Variants in LDLRAP1 observed in about 807,000 individuals in gnomAD.
LDLRAP1 encodes the protein low density lipoprotein receptor adaptor protein 1.
In LDLRAP1, 30 loss-of-function variants were observed where a neutral mutation model predicts 37.8. The observed-to-expected ratio is 0.79, with a 90% confidence interval of 0.59 to 1.08. The LOEUF (loss-of-function observed/expected upper bound fraction) is 1.08, where lower values mean the gene tolerates loss of function less well. LDLRAP1 is among the 50% of genes least tolerant of loss of function. The probability of loss-of-function intolerance (pLI) is 0.00; values close to 1 mark genes in which losing one functional copy is unlikely to be tolerated. For missense variants in LDLRAP1, 375 were observed against 401.6 expected (o/e 0.93, Z 0.57); for synonymous variants, 156 against 169.8 (o/e 0.92, Z 0.63).
chr1:25,562,700 G>T lies in LDLRAP1; in HGVS notation c.516G>T (p.Trp172Cys). 3.1e-6 allele frequency: 5 copies of T among 1,614,148 alleles called. No homozygotes were observed. Among genetic ancestry groups the T allele is most frequent in the Non-Finnish European group, 4.2e-6 (5 of 1,179,978 alleles). Residue 172 changes from tryptophan (W) to cysteine (C), a missense_variant, in exon 5 of 9, where the codon TGG becomes TGT. Coordinates refer to ENST00000374338, the MANE Select transcript of LDLRAP1 (RefSeq NM_015627.3). ...AQAFKVAFEFWQVSKEEKEKR... is the reference protein window; with the variant it reads ...AQAFKVAFEFCQVSKEEKEKR... ...CCTTCAAAGTCGCCTTTGAGTTTTG[G>T]CAGGTGTCCAAGGAAGGTGAGACTT...
rs767274425 is a variant in LDLRAP1 at position 25,562,636 on chromosome 1, G to A, written c.460-8G>A. ...GCACCCCTCCCCATCCCCACTTCCT[G>A]TTTTCAGGCACAGGCTGTTACCCTC... On this transcript the variant is annotated splice_polypyrimidine_tract_variant and splice_region_variant and intron_variant, in intron 4 of 8. Coordinates refer to ENST00000374338, the MANE Select transcript of LDLRAP1 (RefSeq NM_015627.3). 6.2e-7 allele frequency: 1 copy of A among 1,614,032 alleles called. No homozygotes were observed. The highest frequency in any genetic ancestry group is 1.1e-5 in the South Asian group (1 of 91,088).
chr1:25,554,090 G>A lies in LDLRAP1; in HGVS notation c.231+26G>A, dbSNP rs1409681130. 2 of 1,612,358 alleles carry A rather than the reference G, an allele frequency of 1.2e-6. No homozygotes were observed. Among genetic ancestry groups the A allele is most frequent in the Admixed American group, 1.7e-5 (1 of 60,022 alleles). On this transcript the variant is annotated intron_variant, in intron 2 of 8. Transcript: ENST00000374338. The surrounding 1 kb of genome is among the most constrained non-coding windows in gnomAD (Gnocchi z 5.4). ...GTGAGCACCCCAGTCAGGAAGGGTG[G>A]GGGAACCAGGGACCAAGGACCAGCT...
Position 25,565,204 on chromosome 1 carries a change from C to T in LDLRAP1, c.779C>T (p.Ser260Leu), listed in dbSNP as rs781711827. Residue 260 changes from serine to leucine, a missense_variant, in exon 8 of 9, where the codon TCG (serine) becomes TTG (leucine). Physicochemically the swap from Ser to Leu is moderately radical, Grantham distance 145. Transcript: ENST00000374338. ...ELDDGLDEAF[S>L]RLAQSRTNPQ... ...GATGATGGCCTGGATGAAGCGTTTT[C>T]GAGGTAATGCTAGCTTCCTGTGCTG... is the stretch of plus-strand genomic sequence containing the variant. 5 of 1,614,058 alleles carry T rather than the reference C, an allele frequency of 3.1e-6. No individual in the cohort carries two copies. Among genetic ancestry groups the T allele is most frequent in the East Asian group, 2.2e-5 (1 of 44,890 alleles).
Position 25,544,485 on chromosome 1 carries a change from T to C in LDLRAP1, c.88+699T>C, listed in dbSNP as rs543414914. On this transcript the variant is annotated intron_variant, in intron 1 of 8. Transcript: ENST00000374338. The surrounding 1 kb of genome is among the most constrained non-coding windows in gnomAD (Gnocchi z 4.8). ...TCCCGACTATTTTTGAAACCTGTTT[T>C]CTCTCGCACCTTTCCCCTCGGGCTT... 1.4e-3 allele frequency among the ~76,000 whole-genome samples: 215 copies of C among 152,244 alleles called. No homozygotes were observed. The highest frequency in any genetic ancestry group is 2.5e-3 in the South Asian group (12 of 4,820).
chr1:25,575,186 C>A, the LDLRAP1 span, among the ~76,000 whole-genome samples: 1 of 152,154 alleles, frequency 6.6e-6, no homozygotes, highest in African/African-American at 2.4e-5. Context: ...GCCTTGCCAG[C>A]CCCAAGGAAG....
At chr1:25,578,613 C>T in the LDLRAP1 span, among the ~76,000 whole-genome samples, 1 of 152,152 alleles carries the variant, frequency 6.6e-6, no homozygotes, top group Non-Finnish European at 1.5e-5. Flanking sequence ...CTCCCCGGCC[C>T]AAGCGACCCT....
rs1462101875 is a variant in LDLRAP1, at chr1:25,555,560, C to T, written c.344+588C>T. On this transcript the variant is annotated intron_variant, in intron 3 of 8. Coordinates refer to ENST00000374338, the MANE Select transcript of LDLRAP1 (RefSeq NM_015627.3). The surrounding 1 kb of genome is among the most constrained non-coding windows in gnomAD (Gnocchi z 4.7). ...AGCTGAGGCCCAGAGAGGGAATTGCCTAAGGCTGCACAGTGAGGTAGTAGC... is the reference window on the plus strand; with the variant it reads ...AGCTGAGGCCCAGAGAGGGAATTGCTTAAGGCTGCACAGTGAGGTAGTAGC... Among the ~76,000 whole-genome samples, 1 of 152,204 alleles carries T rather than the reference C, an allele frequency of 6.6e-6. No individual in the cohort carries two copies. The highest frequency in any genetic ancestry group is 1.5e-5 in the Non-Finnish European group (1 of 68,038).
chr1:25,543,836 G>GCGGGGCCTCCGCGGGCGCC (rs1301136549), intron 1 of LDLRAP1, 50 bp downstream of exon 1: 1 of 1,147,274 alleles, frequency 8.7e-7, no homozygotes, highest in African/African-American at 1.6e-5. Flanking sequence ...GCAGAGGCGC[G>GCGGGGCCTCCGCGGGCGCC]CGGGGCCTCC....
In LDLRAP1 at chr1:25,565,047, C is replaced by T; in HGVS notation, c.748-126C>T. 5 of 1,035,788 alleles carry T rather than the reference C, an allele frequency of 4.8e-6. No homozygotes were observed. In the South Asian group the frequency reaches 6.3e-5, roughly 13 times the overall value. The allele number at this position is 1,035,788 out of a possible 1,614,324, so 64.2% of individuals were successfully genotyped here. On this transcript the variant is annotated intron_variant, in intron 7 of 8. Transcript: ENST00000374338. ...GCAGGAGGCCTGCCTGAGGCCGTGCCTCCAGGCGCCCACCCTGAGCTTGTG... is the reference window on the plus strand; with the variant it reads ...GCAGGAGGCCTGCCTGAGGCCGTGCTTCCAGGCGCCCACCCTGAGCTTGTG...
At position 25,557,177 on chromosome 1, in the gene LDLRAP1, G is replaced by A; in HGVS notation, c.369G>A (p.Lys123=). ...GGATCTCCTATTGCACAGCAGACAA[G>A]ATGCACGACAAGGTGTTTGCATACA... ...IYRISYCTAD[K]MHDKVFAYIA... is the part of the protein sequence containing the mutation. Residue 123 remains lysine, a synonymous_variant, in exon 4 of 9, where the codon AAG becomes AAA. Coordinates refer to ENST00000374338, the MANE Select transcript of LDLRAP1 (RefSeq NM_015627.3). The A allele has an allele frequency of 6.2e-7, 1 of 1,614,154 alleles. No homozygotes were observed. Among genetic ancestry groups the A allele is most frequent in the East Asian group, 2.2e-5 (1 of 44,880 alleles).
At chr1:25,577,690 A>T in the LDLRAP1 span, among the ~76,000 whole-genome samples, 93 of 152,310 alleles carry the variant, frequency 6.1e-4, no homozygotes, top group South Asian at 0.019. Flanking sequence ...CGGGGACAAG[A>T]CAGGGTGCAT....
At chr1:25,558,844 T>C (rs2044274697) in intron 4 of LDLRAP1, among the ~76,000 whole-genome samples, 1 of 152,292 alleles carries the variant, frequency 6.6e-6, no homozygotes, top group African/African-American at 2.4e-5. Context: ...TGTGGACATC[T>C]TGGGGGCGGA....
chr1:25,569,169 T>C (rs1253571353), downstream of LDLRAP1, among the ~76,000 whole-genome samples: 1 of 152,228 alleles, frequency 6.6e-6, no homozygotes, highest in Non-Finnish European at 1.5e-5. Flanking sequence ...GGCGGGGGAC[T>C]GTGGCCAGGC....
At chr1:25,549,508 C>T (rs2124648871) in intron 1 of LDLRAP1, among the ~76,000 whole-genome samples, 1 of 152,362 alleles carries the variant, frequency 6.6e-6, no homozygotes, top group South Asian at 2.1e-4. Flanking sequence ...GTGTTCACAG[C>T]TGTAATTTAG....
At chr1:25,564,329 T>G in intron 7 of LDLRAP1, 1 of 187,490 alleles carries the variant, frequency 5.3e-6, no homozygotes, top group Non-Finnish European at 1.1e-5. Flanking sequence ...CAGACTGTGT[T>G]ACAAAATTAG....
rs150455497 is a variant in LDLRAP1 at position 25,559,798 on chromosome 1, G to A, written c.459+2531G>A. On this transcript the variant is annotated intron_variant, in intron 4 of 8. Coordinates refer to ENST00000374338, the MANE Select transcript of LDLRAP1 (RefSeq NM_015627.3). Reference sequence around the variant, plus strand: ...AGTGTTCTTGGGGGAGGCAGGAGATGGAATAGCTGCGTCAGCCTCCGCACC... The same window carrying A: ...AGTGTTCTTGGGGGAGGCAGGAGATAGAATAGCTGCGTCAGCCTCCGCACC... 2.1e-3 allele frequency among the ~76,000 whole-genome samples: 327 copies of A among 152,320 alleles called. 2 individuals carry two copies. Among genetic ancestry groups the A allele is most frequent in the African/African-American group, 6.8e-3 (284 of 41,568 alleles).
chr1:25,566,415 ATTC>A (rs1459134806), intron 8 of LDLRAP1, among the ~76,000 whole-genome samples: 4 of 152,082 alleles, frequency 2.6e-5, no homozygotes, highest in Non-Finnish European at 5.9e-5. Context: ...ACTCTCCCCT[ATTC>A]TTTTGGACAT....
intron 4 of LDLRAP1, among the ~76,000 whole-genome samples, chr1:25,557,974 C>T (rs1182993479): frequency 2.0e-5 from 3 of 152,004 alleles, no homozygotes; most frequent in East Asian, 1.9e-4. Context: ...TTTAAACCCA[C>T]GTTTCTTCCC....
At chr1:25,577,650 G>A in the LDLRAP1 span, among the ~76,000 whole-genome samples, 1 of 152,232 alleles carries the variant, frequency 6.6e-6, no homozygotes, top group Non-Finnish European at 1.5e-5. Context: ...AAGCAGGTGT[G>A]AGGGAAGGCG....
Sources: allele counts gnomAD v4.1 joint callset (sites outside exome capture counted in the v4.1 genomes callset), GRCh38; gene constraint gnomAD v4.1.1; non-coding constraint Gnocchi (gnomAD v3.1); transcripts MANE v1.5; gene names NCBI Gene and HGNC (gene_info 2026-07-23, HGNC 2026-07-21).